The following GABRB3 variants were observed in gnomAD, a reference collection of about 807,000 sequenced individuals.
The protein encoded by GABRB3 is gamma-aminobutyric acid receptor subunit beta-3.
GABRB3 carries 14 observed loss-of-function variants against 52.1 expected under a neutral mutation model. The observed-to-expected ratio is 0.27, with a 90% CI of 0.18 to 0.42. The LOEUF is 0.42. GABRB3 is among the 10% of genes least tolerant of loss of function. The pLI, the probability that GABRB3 is intolerant of heterozygous loss-of-function variation, is 1.00. For synonymous variants in GABRB3, 260 were observed against 232.3 expected, an observed-to-expected ratio of 1.12 and a Z score of -1.08; for missense variants, 307 against 609.1, an observed-to-expected ratio of 0.50 and a Z score of 5.22.
chr15:26,764,161 A>T (rs1890903164), intron 3 of GABRB3, among the ~76,000 whole-genome samples: 1 of 22,922 alleles, frequency 4.4e-5, no homozygotes, highest in African/African-American at 1.3e-4. Flanking sequence ...AAAAAAAAAA[A>T]AAAAAAAAAA....
At chr15:26,638,770 G>A (rs537566760) in intron 3 of GABRB3, among the ~76,000 whole-genome samples, 1 of 152,140 alleles carries the variant, frequency 6.6e-6, no homozygotes, top group South Asian at 2.1e-4. Flanking sequence ...ACATATTCTG[G>A]TCACTATTTT....
chr15:26,625,057 G>A lies in GABRB3; in HGVS notation c.241-3523C>T, dbSNP rs149307169. 6.6e-5 allele frequency: 47 copies of A among 707,288 alleles called. No individual in the cohort carries two copies. The East Asian group carries it at 4.8e-3, about 73-fold the overall frequency. The allele number at this position is 707,288 out of a possible 1,614,324, so 43.8% of individuals were successfully genotyped here. The stretch of plus-strand genomic sequence containing the variant: ...AAAAATTGAAGAGCTGAAGTAACTC[G>A]CTCCTCATCCACTCCCTCCACTCCC... On this transcript the variant is annotated intron_variant, in intron 3 of 8. Coordinates refer to ENST00000311550, the MANE Select transcript of GABRB3 (RefSeq NM_000814.6).
At chr15:26,616,603 G>GAAA (rs5811433) in intron 4 of GABRB3, among the ~76,000 whole-genome samples, 1 of 136,586 alleles carries the variant, frequency 7.3e-6, no homozygotes, top group African/African-American at 2.6e-5. Flanking sequence ...TACTACACTT[G>GAAA]AAAAAAAAAA....
chr15:26,653,117 T>A (rs1219567633), intron 3 of GABRB3, among the ~76,000 whole-genome samples: 1 of 152,166 alleles, frequency 6.6e-6, no homozygotes, highest in Non-Finnish European at 1.5e-5. Context: ...GAAACTTAGT[T>A]TATAGTTTAA....
At chr15:26,732,716 C>T (rs546961133) in intron 3 of GABRB3, among the ~76,000 whole-genome samples, 20 of 152,170 alleles carry the variant, frequency 1.3e-4, no homozygotes, top group African/African-American at 2.7e-4. Flanking sequence ...AACAGGCACG[C>T]GCTACCGTGG....
chr15:26,678,974 G>C (rs988731057), intron 3 of GABRB3, among the ~76,000 whole-genome samples: 4 of 152,128 alleles, frequency 2.6e-5, no homozygotes, highest in Non-Finnish European at 4.4e-5. Context: ...TAGCTCAAGG[G>C]AGGCTGTTCT....
chr15:26,622,603 C>G (rs909863555), intron 3 of GABRB3, among the ~76,000 whole-genome samples: 4 of 152,238 alleles, frequency 2.6e-5, no homozygotes, highest in African/African-American at 9.6e-5. Flanking sequence ...CACTTGTGGA[C>G]AGCGAGAGAT....
chr15:26,565,641 C>T (rs947058897), intron 7 of GABRB3, among the ~76,000 whole-genome samples: 5 of 152,104 alleles, frequency 3.3e-5, no homozygotes, highest in Admixed American at 6.6e-5. Flanking sequence ...AACTCACTTC[C>T]GGGGTATTAA....
At position 26,679,725 on chromosome 15, in the gene GABRB3, T is replaced by C. The variant is rs374388460; in HGVS notation, c.241-58191A>G. Among the ~76,000 whole-genome samples the C allele has an allele frequency of 4.6e-5, 7 of 152,062 alleles. No individual in the cohort carries two copies. In the East Asian group the frequency reaches 1.4e-3, roughly 30 times the overall value. On this transcript the variant is annotated intron_variant, in intron 3 of 8. Coordinates refer to ENST00000311550, the MANE Select transcript of GABRB3 (RefSeq NM_000814.6). Reference sequence around the variant, plus strand: ...CAGAAAGCTTCCGGAGATGGGGGAATCAGCCTGTCCCAGTGAGCAGGGCAA... The same window carrying C: ...CAGAAAGCTTCCGGAGATGGGGGAACCAGCCTGTCCCAGTGAGCAGGGCAA...
At chr15:26,724,457 T>C (rs926008314) in intron 3 of GABRB3, among the ~76,000 whole-genome samples, 4 of 152,162 alleles carry the variant, frequency 2.6e-5, no homozygotes, top group African/African-American at 9.7e-5. Flanking sequence ...AAACCAGCCC[T>C]TTTGAAAGAC....
chr15:26,566,158 T>C (rs1890164662), intron 7 of GABRB3, among the ~76,000 whole-genome samples: 1 of 152,208 alleles, frequency 6.6e-6, no homozygotes, highest in African/African-American at 2.4e-5. Context: ...ACTGTGCTTA[T>C]GATACCTATT....
At chr15:26,588,971 G>C (rs999744601) in intron 4 of GABRB3, among the ~76,000 whole-genome samples, 3 of 152,154 alleles carry the variant, frequency 2.0e-5, no homozygotes, top group African/African-American at 7.2e-5. Flanking sequence ...ACTATCTCTA[G>C]TAAGTGTAAA....
At chr15:26,768,805 T>TA (rs1595361106) in intron 3 of GABRB3, among the ~76,000 whole-genome samples, 75 of 150,604 alleles carry the variant, frequency 5.0e-4, no homozygotes, top group African/African-American at 1.6e-3. Flanking sequence ...CAACTAATTT[T>TA]TAAAAAAAAA....
intron 3 of GABRB3, among the ~76,000 whole-genome samples, chr15:26,654,469 G>T (rs1160315146): frequency 6.6e-6 from 1 of 151,252 alleles, no homozygotes; most frequent in Non-Finnish European, 1.5e-5. Flanking sequence ...TTAAAAATGG[G>T]TTTGGCCAAG....
chr15:26,628,397 G>A (rs1892789145), intron 3 of GABRB3, among the ~76,000 whole-genome samples: 1 of 152,232 alleles, frequency 6.6e-6, no homozygotes, highest in Admixed American at 6.5e-5. Flanking sequence ...TGCCCATGTG[G>A]CAGAGACAAT....
chr15:26,760,929 C>A (rs1355474454), intron 3 of GABRB3, among the ~76,000 whole-genome samples: 2 of 152,068 alleles, frequency 1.3e-5, no homozygotes, highest in Non-Finnish European at 2.9e-5. Flanking sequence ...CAGCCTTTTA[C>A]AATCTCTGAG....
intron 4 of GABRB3, among the ~76,000 whole-genome samples, chr15:26,618,819 A>T (rs1274705101): frequency 6.6e-6 from 1 of 152,154 alleles, no homozygotes; most frequent in Non-Finnish European, 1.5e-5. Flanking sequence ...ACAAATTTAC[A>T]AGAAAAAAAC....
At chr15:26,557,651 T>C (rs557926215) in intron 8 of GABRB3, 1 of 152,332 alleles carries the variant, frequency 6.6e-6, no homozygotes, top group East Asian at 1.9e-4. Context: ...AATATGCATT[T>C]AGAATTAGCA....
intron 8 of GABRB3, among the ~76,000 whole-genome samples, chr15:26,552,929 C>T (rs746264060): frequency 6.6e-6 from 1 of 152,086 alleles, no homozygotes; most frequent in African/African-American, 2.4e-5. Flanking sequence ...TGGTACCCCA[C>T]CAAATATGTC....
Sources: gnomAD v4.1 joint callset for allele counts (sites outside exome capture counted in the v4.1 genomes callset) on GRCh38, gnomAD v4.1.1 for gene constraint, MANE v1.5 for transcripts, NCBI Gene and HGNC (gene_info 2026-07-23, HGNC 2026-07-21) for gene names.